Variants in GATA4 observed in about 807,000 individuals in gnomAD.
GATA4 encodes GATA binding protein 4.
Under a neutral mutation model 37.9 loss-of-function variants are expected in GATA4, and 7 were observed. The observed-to-expected ratio is 0.18, with a 90% CI of 0.11 to 0.35. The LOEUF is 0.35. GATA4 is among the 10% of genes least tolerant of loss of function. The pLI is 1.00. For synonymous variants in GATA4, 372 were observed against 292.6 expected (o/e 1.27, Z -2.77); for missense variants, 647 against 653.0 (o/e 0.99, Z 0.10).
At chr8:11,753,032 A>T (rs1802377246) in intron 4 of GATA4, among the ~76,000 whole-genome samples, 1 of 152,232 alleles carries the variant, frequency 6.6e-6, no homozygotes, top group South Asian at 2.1e-4. Context: ...GAATTACCAC[A>T]TGATCCAGCG....
chr8:11,726,340 G>A (rs1395360143), intron 2 of GATA4, among the ~76,000 whole-genome samples: 1 of 152,234 alleles, frequency 6.6e-6, no homozygotes, highest in East Asian at 1.9e-4. Flanking sequence ...GACTGAGGTA[G>A]CAAAGGCGCC....
chr8:11,756,080 C>G (rs913782412), intron 5 of GATA4, among the ~76,000 whole-genome samples: 1 of 151,948 alleles, frequency 6.6e-6, no homozygotes, highest in African/African-American at 2.4e-5. Context: ...ATGTTCCCTA[C>G]CAAAACATTC....
chr8:11,730,106 G>A (rs555620872), intron 2 of GATA4, among the ~76,000 whole-genome samples: 30 of 152,244 alleles, frequency 2.0e-4, no homozygotes, highest in African/African-American at 7.0e-4. Flanking sequence ...TGGAGGTAGG[G>A]TTTTGCCATG....
At chr8:11,690,352 T>A (rs1050849866), upstream of GATA4, among the ~76,000 whole-genome samples, 74 of 152,340 alleles carry the variant, frequency 4.9e-4, 1 homozygote, top group Middle Eastern at 0.01. Flanking sequence ...CAAACTTTTT[T>A]AAAAAATGTC....
At chr8:11,692,845 CG>C (rs1262146824) in intron 1 of GATA4, 4 of 981,562 alleles carry the variant, frequency 4.1e-6, no homozygotes, top group Non-Finnish European at 4.8e-6. Context: ...GGCGGCCGGC[CG>C]GGGGCTGACC....
At chr8:11,706,126 C>T (rs764670796) in intron 1 of GATA4, 2 of 152,192 alleles carry the variant, frequency 1.3e-5, no homozygotes, top group African/African-American at 2.4e-5. Flanking sequence ...ACCAAACTTG[C>T]TGGAATGAAC....
upstream of GATA4, among the ~76,000 whole-genome samples, chr8:11,689,158 C>T (rs558850778): frequency 2.0e-5 from 3 of 152,276 alleles, no homozygotes; most frequent in Admixed American, 2.0e-4. Flanking sequence ...CACTGTCCCT[C>T]CCCAGGGATG....
rs377410243 is a variant in GATA4 at position 11,683,466 on chromosome 8, A to G, written c.-274+6403A>G. On this transcript the variant is annotated intron_variant, in intron 1 of 6. Transcript: ENST00000528712. ...TTTTAAGAAGTTCAATGAGCTTTACATTGTCTCATTCAAACTCACCCATCA... is the reference window on the plus strand; with the variant it reads ...TTTTAAGAAGTTCAATGAGCTTTACGTTGTCTCATTCAAACTCACCCATCA... Among the ~76,000 whole-genome samples the G allele has an allele frequency of 5.3e-5, 8 of 152,194 alleles. No individual in the cohort carries two copies. In the South Asian group the frequency reaches 1.7e-3, roughly 32 times the overall value.
At chr8:11,755,240 TG>T (rs1802498168) in intron 5 of GATA4, 107 bp downstream of exon 5, 1 of 850,396 alleles carries the variant, frequency 1.2e-6, no homozygotes, top group Admixed American at 2.0e-5. Context: ...CGCCAGGGGG[TG>T]GTGACAGCAT....
At chr8:11,696,485 T>G (rs1349408569) in intron 1 of GATA4, among the ~76,000 whole-genome samples, 1 of 152,238 alleles carries the variant, frequency 6.6e-6, no homozygotes, top group Non-Finnish European at 1.5e-5. Context: ...ATTGTATGGA[T>G]GTACCTCAGT....
rs185277234 is a variant in GATA4, at chr8:11,752,109, A to G, written c.912+1873A>G. On this transcript the variant is annotated intron_variant, in intron 4 of 6. Coordinates refer to ENST00000532059, the MANE Select transcript of GATA4 (RefSeq NM_001308093.3). ...GAATATTGAGAAGAAACTTAAAAAT[A>G]ATAATCTAGGGCCATGTATCTTGAT... is the stretch of plus-strand genomic sequence containing the variant. Among the ~76,000 whole-genome samples the G allele has an allele frequency of 2.6e-5, 4 of 152,342 alleles. No homozygotes were observed. The East Asian group carries it at 7.7e-4, about 29-fold the overall frequency.
rs1435418889 is a variant in GATA4 at position 11,759,178 on chromosome 8, A to T, written c.*703A>T. 2 of 158,434 alleles carry T rather than the reference A, an allele frequency of 1.3e-5. No homozygotes were observed. Among genetic ancestry groups the T allele is most frequent in the African/African-American group, 4.8e-5 (2 of 41,430 alleles). The allele number at this position is 158,434 out of a possible 1,614,324, so 9.8% of individuals were successfully genotyped here. On this transcript the variant is annotated 3_prime_UTR_variant, in exon 7 of 7. Transcript: ENST00000532059. Reference sequence around the variant, plus strand: ...AATAAAAATCCCTCTTCCCGCTCTGAGCGATTCAGCTCTGCCCGCAGCTTG... The same window carrying T: ...AATAAAAATCCCTCTTCCCGCTCTGTGCGATTCAGCTCTGCCCGCAGCTTG...
chr8:11,750,265 C>A, intron 4 of GATA4, 29 bp downstream of exon 4: 1 of 1,610,172 alleles, frequency 6.2e-7, no homozygotes, highest in Non-Finnish European at 8.5e-7. Flanking sequence ...CATGCGGCAT[C>A]CTTGCCTTCT....
intron 1 of GATA4, among the ~76,000 whole-genome samples, chr8:11,693,222 TAGTG>T (rs1444011520): frequency 1.3e-5 from 2 of 152,094 alleles, no homozygotes; most frequent in African/African-American, 4.8e-5. Flanking sequence ...TCCCAGCACT[TAGTG>T]AGGCAGAGGC....
At chr8:11,733,993 A>G (rs1585651026) in intron 2 of GATA4, among the ~76,000 whole-genome samples, 3 of 152,248 alleles carry the variant, frequency 2.0e-5, no homozygotes, top group South Asian at 2.1e-4. Flanking sequence ...TTCGGCCTGC[A>G]TGTCCAATTG....
At chr8:11,688,508 ATGCGCGTGCGCGCATG>A (rs1447210628), upstream of GATA4, among the ~76,000 whole-genome samples, 2 of 143,488 alleles carry the variant, frequency 1.4e-5, no homozygotes, top group Non-Finnish European at 3.1e-5. Flanking sequence ...ACATGCATGC[ATGCGCGTGCGCGCATG>A]CACACACACA....
chr8:11,730,544 G>A (rs538500290), intron 2 of GATA4, among the ~76,000 whole-genome samples: 4 of 152,352 alleles, frequency 2.6e-5, no homozygotes, highest in African/African-American at 7.2e-5. Context: ...TGGCCTCCAC[G>A]TAGGGGCCTG....
intron 1 of GATA4, among the ~76,000 whole-genome samples, chr8:11,685,678 T>A (rs1343498713): frequency 6.6e-6 from 1 of 152,222 alleles, no homozygotes; most frequent in Non-Finnish European, 1.5e-5. Context: ...AGAAAATGTT[T>A]TCAGGTCCAA....
At chr8:11,693,854 A>T (rs1469997061) in intron 1 of GATA4, among the ~76,000 whole-genome samples, 1 of 152,188 alleles carries the variant, frequency 6.6e-6, no homozygotes, top group Admixed American at 6.5e-5. Context: ...GTGTCAGTGC[A>T]TGAACAGCAC....
Sources: allele counts gnomAD v4.1 joint callset (sites outside exome capture counted in the v4.1 genomes callset), GRCh38; gene constraint gnomAD v4.1.1; transcripts MANE v1.5; gene names NCBI Gene and HGNC (gene_info 2026-07-23, HGNC 2026-07-21).